Variants in DIS3L2 observed in about 807,000 individuals in gnomAD.
The protein encoded by DIS3L2 is DIS3 like 3'-5' exoribonuclease 2.
Under a neutral mutation model 97.5 loss-of-function variants are expected in DIS3L2, and 34 were observed. That is an observed-to-expected ratio of 0.35 (90% CI 0.27 to 0.46). The LOEUF (loss-of-function observed/expected upper bound fraction) is 0.46. Among genes scored for constraint, DIS3L2 ranks in the 20% least tolerant of loss-of-function variants. DIS3L2 has a pLI of 1.00. For synonymous variants in DIS3L2, 435 were observed against 445.2 expected (o/e 0.98, Z 0.29); for missense variants, 1,038 against 1,146.0 (o/e 0.91, Z 1.36).
At chr2:232,009,268 G>T (rs529052637) in intron 1 of DIS3L2, among the ~76,000 whole-genome samples, 39 of 152,238 alleles carry the variant, frequency 2.6e-4, no homozygotes, top group African/African-American at 8.9e-4. Context: ...ACGCTTTTCT[G>T]ATTCTTTGCA....
chr2:232,325,254 C>A lies in DIS3L2; in HGVS notation c.1740-4559C>A, dbSNP rs573186614. Reference sequence around the variant, plus strand: ...CTGGCTCTGCAGTCTTGATGCTCGCCGGCACCTTCAGGGTGAAGGACGCCC... The same window carrying A: ...CTGGCTCTGCAGTCTTGATGCTCGCAGGCACCTTCAGGGTGAAGGACGCCC... On this transcript the variant is annotated intron_variant, in intron 14 of 20. Transcript: ENST00000325385. This position sits in a 1 kb window ranked among gnomAD's most constrained non-coding sequence, Gnocchi z 4.6. Among the ~76,000 whole-genome samples the A allele has an allele frequency of 6.6e-6, 1 of 152,334 alleles. No individual in the cohort carries two copies. Among genetic ancestry groups the A allele is most frequent in the East Asian group, 1.9e-4 (1 of 5,180 alleles).
At chr2:232,005,959 G>C (rs899166633) in intron 1 of DIS3L2, among the ~76,000 whole-genome samples, 5 of 152,186 alleles carry the variant, frequency 3.3e-5, no homozygotes, top group Non-Finnish European at 5.9e-5. Context: ...GGGCTGAGGC[G>C]GGTGGATCAC....
chr2:232,100,775 T>A (rs947318420), intron 6 of DIS3L2, among the ~76,000 whole-genome samples: 1 of 151,320 alleles, frequency 6.6e-6, no homozygotes, highest in South Asian at 2.1e-4. Context: ...TCTATATTTT[T>A]AAATATTACA....
chr2:232,289,332 G>A (rs1455528230), intron 13 of DIS3L2, among the ~76,000 whole-genome samples: 1 of 151,794 alleles, frequency 6.6e-6, no homozygotes, highest in Non-Finnish European at 1.5e-5. Context: ...GATCGCAGTG[G>A]CACCATCTTG....
intron 4 of DIS3L2, among the ~76,000 whole-genome samples, chr2:232,026,956 T>C (rs192152965): frequency 6.6e-6 from 1 of 152,256 alleles, no homozygotes; most frequent in East Asian, 1.9e-4. Flanking sequence ...TAATATTGTC[T>C]CAGAGAAAAA....
At chr2:232,287,398 C>CCCCCCCG (rs1694472322) in intron 13 of DIS3L2, among the ~76,000 whole-genome samples, 2 of 69,068 alleles carry the variant, frequency 2.9e-5, no homozygotes, top group Non-Finnish European at 2.9e-5. Context: ...GCCCCCCCCC[C>CCCCCCCG]CCCCCGCTTT....
At chr2:231,996,729 G>A (rs1027383530) in intron 1 of DIS3L2, among the ~76,000 whole-genome samples, 5 of 152,114 alleles carry the variant, frequency 3.3e-5, no homozygotes, top group Admixed American at 2.6e-4. Context: ...TAGTCAAAAT[G>A]CTGTTATCAC....
At chr2:232,170,304 C>T (rs1267622155) in intron 9 of DIS3L2, among the ~76,000 whole-genome samples, 2 of 152,038 alleles carry the variant, frequency 1.3e-5, no homozygotes, top group Non-Finnish European at 2.9e-5. Context: ...AGCCTAAAAG[C>T]TCAATTAAAG....
chr2:232,008,337 C>G (rs901681133), intron 1 of DIS3L2, among the ~76,000 whole-genome samples: 1 of 151,794 alleles, frequency 6.6e-6, no homozygotes, highest in African/African-American at 2.4e-5. Flanking sequence ...CAAATTTTCT[C>G]TTTTTGACTC....
chr2:232,289,429 C>T (rs549201943), intron 13 of DIS3L2, among the ~76,000 whole-genome samples: 8 of 152,058 alleles, frequency 5.3e-5, no homozygotes, highest in South Asian at 4.2e-4. Context: ...CCCGCCACCA[C>T]GCCCAGCTAA....
intron 14 of DIS3L2, among the ~76,000 whole-genome samples, chr2:232,310,163 C>T (rs754041831): frequency 6.6e-6 from 1 of 152,172 alleles, no homozygotes; most frequent in Non-Finnish European, 1.5e-5. Flanking sequence ...CCAGACACTG[C>T]CAGGTTAGCT....
At chr2:232,141,626 G>A (rs1225990508) in intron 8 of DIS3L2, among the ~76,000 whole-genome samples, 1 of 152,138 alleles carries the variant, frequency 6.6e-6, no homozygotes, top group African/African-American at 2.4e-5. Flanking sequence ...AAGGACAGCA[G>A]GTTCCATTGG....
chr2:232,342,264 CACATAT>C lies in DIS3L2; in HGVS notation c.1582-1073_1582-1068del, dbSNP rs1416042558. ...ACACATATATACACATACACACATACACATATACATATATACACATATATGCATATA... is the reference window on the plus strand; with the variant it reads ...ACACATATATACACATACACACATACACATATATACACATATATGCATATA... On this transcript the variant is annotated intron_variant, in intron 13 of 13. Coordinates refer to the DIS3L2 transcript ENST00000273009. Among the ~76,000 whole-genome samples the C allele has an allele frequency of 2.5e-4, 37 of 148,294 alleles. No individual in the cohort carries two copies. The South Asian group carries it at 6.5e-3, about 26-fold the overall frequency.
chr2:231,996,319 A>G (rs1176130819), intron 1 of DIS3L2, among the ~76,000 whole-genome samples: 3 of 152,190 alleles, frequency 2.0e-5, no homozygotes, highest in Non-Finnish European at 4.4e-5. Context: ...TAGAGTAGCT[A>G]TGTCTGTCAT....
rs373997654 is a variant in DIS3L2 at position 232,024,218 on chromosome 2, C to T, written c.211-59C>T. On this transcript the variant is annotated intron_variant, in intron 3 of 20. Transcript: ENST00000325385. ...AAACTTTTTATTGGAGAATAACATA[C>T]GTGGAAAAATCGTAAATATATAGCT... The T allele has an allele frequency of 2.8e-3, 3,627 of 1,273,954 alleles. 5 individuals are homozygous for T. Among genetic ancestry groups the T allele is most frequent in the Non-Finnish European group, 3.2e-3 (2,896 of 904,526 alleles). 78.9% of individuals were successfully genotyped at this position (1,273,954 alleles called of 1,614,324 possible).
chr2:232,257,241 G>A (rs1044741922), intron 12 of DIS3L2, among the ~76,000 whole-genome samples: 1 of 152,168 alleles, frequency 6.6e-6, no homozygotes, highest in African/African-American at 2.4e-5. Flanking sequence ...GGCTTGTGGA[G>A]TAGCCTCTTG....
chr2:232,340,041 TG>T (rs1696070877), downstream of DIS3L2, among the ~76,000 whole-genome samples: 1 of 152,134 alleles, frequency 6.6e-6, no homozygotes, highest in African/African-American at 2.4e-5. Context: ...TAGCTGTGCC[TG>T]GGGCCAGGCC....
intron 10 of DIS3L2, among the ~76,000 whole-genome samples, chr2:232,216,978 G>T (rs965955340): frequency 6.6e-6 from 1 of 152,130 alleles, no homozygotes; most frequent in Non-Finnish European, 1.5e-5. Flanking sequence ...GAGTAGCCAG[G>T]ACTACAGGCG....
chr2:232,196,387 A>C (rs1691756634), intron 9 of DIS3L2, among the ~76,000 whole-genome samples: 1 of 152,240 alleles, frequency 6.6e-6, no homozygotes, highest in Non-Finnish European at 1.5e-5. Context: ...CTAGTAAATA[A>C]TCTCAATATT....
Sources: gnomAD v4.1 joint callset for allele counts (sites outside exome capture counted in the v4.1 genomes callset) on GRCh38, gnomAD v4.1.1 for gene constraint, Gnocchi (gnomAD v3.1) non-coding constraint, MANE v1.5 for transcripts, NCBI Gene and HGNC (gene_info 2026-07-23, HGNC 2026-07-21) for gene names.